The following MKLN1 variants were observed in gnomAD, a reference collection of about 807,000 sequenced individuals.
MKLN1 encodes muskelin.
Under a neutral mutation model 99.0 loss-of-function variants are expected in MKLN1, and 18 were observed. The ratio of observed to expected loss-of-function variants is 0.18; its 90% confidence interval spans 0.13 to 0.27. The LOEUF is 0.27. MKLN1 is among the 10% of genes least tolerant of loss of function. MKLN1 has a pLI of 1.00. For missense variants in MKLN1, 621 were observed against 875.9 expected, an observed-to-expected ratio of 0.71 and a Z score of 3.67; for synonymous variants, 288 against 293.2, an observed-to-expected ratio of 0.98 and a Z score of 0.18.
intron 1 of MKLN1, among the ~76,000 whole-genome samples, chr7:131,142,458 G>A (rs1398084811): frequency 4.6e-5 from 7 of 151,286 alleles, no homozygotes; most frequent in East Asian, 1.9e-4. Context: ...AAATTAGGCC[G>A]GTCGCGGTGG....
At chr7:131,475,429 G>A (rs961236780) in intron 16 of MKLN1, among the ~76,000 whole-genome samples, 1 of 152,070 alleles carries the variant, frequency 6.6e-6, no homozygotes, top group African/African-American at 2.4e-5. Context: ...AAAGAAGGAA[G>A]AAAAAAATAC....
chr7:131,142,303 C>T (rs887859997), intron 1 of MKLN1, among the ~76,000 whole-genome samples: 1 of 151,742 alleles, frequency 6.6e-6, no homozygotes, highest in Non-Finnish European at 1.5e-5. Context: ...TCCAGCTACT[C>T]GGGGGGCTGA....
At chr7:131,156,538 C>T (rs1257905613) in intron 2 of MKLN1, among the ~76,000 whole-genome samples, 2 of 151,454 alleles carry the variant, frequency 1.3e-5, no homozygotes, top group Non-Finnish European at 2.9e-5. Flanking sequence ...CCTGGGCTAG[C>T]GATGTGCAGA....
intron 3 of MKLN1, among the ~76,000 whole-genome samples, chr7:131,288,584 C>T (rs1299699776): frequency 6.6e-6 from 1 of 152,128 alleles, no homozygotes; most frequent in Non-Finnish European, 1.5e-5. Flanking sequence ...AAGACTAATA[C>T]AAGCCCCATG....
At chr7:131,194,419 T>C (rs1464357757) in intron 2 of MKLN1, among the ~76,000 whole-genome samples, 1 of 152,200 alleles carries the variant, frequency 6.6e-6, no homozygotes, top group African/African-American at 2.4e-5. Flanking sequence ...ACATCATAAT[T>C]ATAAAAATCT....
At chr7:131,397,462 A>G (rs1248799316) in intron 5 of MKLN1, 86 bp downstream of exon 5, 3 of 699,086 alleles carry the variant, frequency 4.3e-6, no homozygotes, top group African/African-American at 1.8e-5. Context: ...ATAATTTAAA[A>G]TATTCAAAAT....
In MKLN1 at chr7:131,487,781, T is replaced by C; in HGVS notation, c.*53T>C. The C allele has an allele frequency of 6.3e-7, 1 of 1,591,540 alleles. No homozygotes were observed. The highest frequency in any genetic ancestry group is 1.3e-5 in the African/African-American group (1 of 74,280). On this transcript the variant is annotated 3_prime_UTR_variant, in exon 18 of 18. Transcript: ENST00000352689. The surrounding 1 kb of genome is among the most constrained non-coding windows in gnomAD (Gnocchi z 4.7). The stretch of plus-strand genomic sequence containing the variant: ...AAAACAGGAGTCGATTTTCCGTCTT[T>C]TGGATTGCAGCTCCACTGACTGACA...
chr7:131,172,573 C>T (rs1796232450), intron 2 of MKLN1, among the ~76,000 whole-genome samples: 1 of 152,238 alleles, frequency 6.6e-6, no homozygotes, highest in South Asian at 2.1e-4. Context: ...CCTCGGCCTC[C>T]CAAAGTGCTA....
chr7:131,427,745 G>A (rs1268950314), intron 8 of MKLN1, among the ~76,000 whole-genome samples: 1 of 152,016 alleles, frequency 6.6e-6, no homozygotes, highest in African/African-American at 2.4e-5. Context: ...TAGTAGAGAC[G>A]GAGTTTCACT....
At chr7:131,444,745 TAGTAGTAGTAGTAGAAGA>T (rs1263949817) in intron 11 of MKLN1, among the ~76,000 whole-genome samples, 1 of 98,120 alleles carries the variant, frequency 1.0e-5, no homozygotes, top group African/African-American at 4.5e-5. Flanking sequence ...GTAGTAGTAG[TAGTAGTAGTAGTAGAAGA>T]AGTAGTAGTA....
chr7:131,257,301 A>G (rs1663200658), intron 3 of MKLN1, among the ~76,000 whole-genome samples: 1 of 152,240 alleles, frequency 6.6e-6, no homozygotes, highest in Non-Finnish European at 1.5e-5. Flanking sequence ...CAAAATCAAA[A>G]TCAATAAGAC....
chr7:131,426,550 G>A (rs1238714189), intron 8 of MKLN1, among the ~76,000 whole-genome samples: 8 of 151,994 alleles, frequency 5.3e-5, no homozygotes, highest in Non-Finnish European at 8.8e-5. Context: ...TTCCAAGATA[G>A]GACAGTGTTT....
rs1796025762 is a variant in MKLN1 at position 131,160,174 on chromosome 7, A to G, written c.-297+17233A>G. Among the ~76,000 whole-genome samples the G allele has an allele frequency of 2.6e-5, 4 of 152,202 alleles. No homozygotes were observed. The South Asian group carries it at 6.2e-4, about 24-fold the overall frequency. ...ATTCATATAAATGGAATCATGTAAT[A>G]TGTGGCCTTTTGTGACTGGCTTCTT... On this transcript the variant is annotated intron_variant, in intron 2 of 7. Transcript: ENST00000416992.
chr7:131,460,445 TCAAC>T (rs1462133121), intron 12 of MKLN1, among the ~76,000 whole-genome samples: 1 of 152,254 alleles, frequency 6.6e-6, no homozygotes, highest in Admixed American at 6.5e-5. Flanking sequence ...GCACATACTG[TCAAC>T]CAAGCTTTCC....
chr7:131,302,334 G>A (rs1375139452), intron 3 of MKLN1, among the ~76,000 whole-genome samples: 1 of 152,136 alleles, frequency 6.6e-6, no homozygotes, highest in Non-Finnish European at 1.5e-5. Context: ...GGAAGCAGGG[G>A]GAAAATGAAA....
chr7:131,265,207 A>C (rs1797790530), intron 3 of MKLN1, among the ~76,000 whole-genome samples: 1 of 152,154 alleles, frequency 6.6e-6, no homozygotes, highest in South Asian at 2.1e-4. Flanking sequence ...CTTTGACGAA[A>C]TAATGCTTCA....
At chr7:131,129,212 C>T (rs991939425) in intron 1 of MKLN1, among the ~76,000 whole-genome samples, 3 of 152,126 alleles carry the variant, frequency 2.0e-5, no homozygotes, top group East Asian at 3.8e-4. Flanking sequence ...AAAATGATAT[C>T]TTACATGGAT....
intron 3 of MKLN1, among the ~76,000 whole-genome samples, chr7:131,247,617 C>T (rs553352090): frequency 3.3e-5 from 5 of 152,236 alleles, no homozygotes; most frequent in Admixed American, 6.5e-5. Flanking sequence ...CCACTTCCAC[C>T]GCTCCTAAAT....
intron 3 of MKLN1, among the ~76,000 whole-genome samples, chr7:131,221,502 C>CTT (rs71174930): frequency 4.4e-4 from 54 of 123,956 alleles, no homozygotes; most frequent in African/African-American, 9.3e-4. Context: ...GATCATGCCA[C>CTT]TTTTTTTTTT....
Sources: allele counts gnomAD v4.1 joint callset (sites outside exome capture counted in the v4.1 genomes callset), GRCh38; gene constraint gnomAD v4.1.1; non-coding constraint Gnocchi (gnomAD v3.1); transcripts MANE v1.5; gene names NCBI Gene and HGNC (gene_info 2026-07-23, HGNC 2026-07-21).